LRRC7: variants seen among roughly 807,000 people sequenced by gnomAD.
The protein encoded by LRRC7 is leucine rich repeat containing 7.
A neutral mutation model predicts 175.7 loss-of-function variants in LRRC7; 23 were observed. The ratio of observed to expected loss-of-function variants is 0.13; its 90% CI spans 0.09 to 0.19. The LOEUF (loss-of-function observed/expected upper bound fraction) is 0.19, where lower values mean the gene tolerates loss of function less well. Among genes scored for constraint, LRRC7 ranks in the 10% least tolerant of loss-of-function variants. LRRC7 has a pLI of 1.00. For synonymous variants in LRRC7, 685 were observed against 680.9 expected (o/e 1.01, Z -0.09); for missense variants, 1,354 against 1,904.7 (o/e 0.71, Z 5.38).
intron 1 of LRRC7, among the ~76,000 whole-genome samples, chr1:69,591,293 C>A (rs996018463): frequency 2.6e-5 from 4 of 151,946 alleles, no homozygotes; most frequent in African/African-American, 9.7e-5. Flanking sequence ...GGAAGAGCTT[C>A]CACAGAATAT....
Position 70,011,784 on chromosome 1 carries a change from T to C in LRRC7, c.1005-13T>C. ...ACTTTTAAAATGTCTAACTAATGTA[T>C]TTAACTTTTCAGTTTATCTTTATTA... On this transcript the variant is annotated splice_polypyrimidine_tract_variant and intron_variant, in intron 11 of 26. Transcript: ENST00000651989. The C allele has an allele frequency of 6.5e-7, 1 of 1,540,130 alleles. No individual in the cohort carries two copies. Among genetic ancestry groups the C allele is most frequent in the Non-Finnish European group, 9.0e-7 (1 of 1,116,226 alleles).
intron 2 of LRRC7, among the ~76,000 whole-genome samples, chr1:69,680,516 G>A (rs1660342128): frequency 6.6e-6 from 1 of 152,026 alleles, no homozygotes; most frequent in Non-Finnish European, 1.5e-5. Context: ...AAATTCAGCT[G>A]GAGTTATGTT....
chr1:69,606,306 T>TCATA (rs1182228883), intron 1 of LRRC7, among the ~76,000 whole-genome samples: 1 of 152,144 alleles, frequency 6.6e-6, no homozygotes, highest in Non-Finnish European at 1.5e-5. Flanking sequence ...AATTATGATG[T>TCATA]CATACATTTT....
chr1:69,791,919 G>C, intron 3 of LRRC7, 124 bp from the exon 4 acceptor site: 1 of 613,580 alleles, frequency 1.6e-6, no homozygotes, highest in East Asian at 2.8e-5. Context: ...GGAGGGAAGT[G>C]AGGCTTTTAT....
intron 25 of LRRC7, among the ~76,000 whole-genome samples, chr1:70,092,091 T>C (rs910418811): frequency 7.9e-5 from 12 of 152,168 alleles, no homozygotes; most frequent in African/African-American, 2.4e-4. Context: ...GATTAATCTA[T>C]TGGAAATTCA....
At position 70,125,804 on chromosome 1, in the gene LRRC7, A is replaced by G. The variant is rs915973923; in HGVS notation, c.*3917A>G. On this transcript the variant is annotated 3_prime_UTR_variant, in exon 27 of 27. Coordinates refer to ENST00000651989, the MANE Select transcript of LRRC7 (RefSeq NM_001370785.2). ...GAGACTCCGTCTCAAAAAAAAAAAA[A>G]AAAAAAAAGAGAAGATTCAGAGGGG... 3.3e-5 allele frequency among the ~76,000 whole-genome samples: 5 copies of G among 151,092 alleles called. No homozygotes were observed. The highest frequency in any genetic ancestry group is 2.1e-4 in the South Asian group (1 of 4,806).
At chr1:69,728,155 T>C (rs975344101) in intron 2 of LRRC7, among the ~76,000 whole-genome samples, 3 of 152,162 alleles carry the variant, frequency 2.0e-5, no homozygotes, top group Admixed American at 1.3e-4. Context: ...ATATTTAAGA[T>C]GTATTAGTGA....
At chr1:69,810,508 C>T (rs976403222) in intron 4 of LRRC7, among the ~76,000 whole-genome samples, 3 of 152,146 alleles carry the variant, frequency 2.0e-5, no homozygotes, top group Admixed American at 1.3e-4. Flanking sequence ...CATCACACTA[C>T]TTGACTTCAA....
chr1:70,036,050 A>G, intron 18 of LRRC7, 71 bp from the exon 19 acceptor site: 1 of 1,179,786 alleles, frequency 8.5e-7, no homozygotes, highest in Non-Finnish European at 1.2e-6. Flanking sequence ...AGCCAAATAA[A>G]GATACTGCCA....
intron 7 of LRRC7, among the ~76,000 whole-genome samples, chr1:69,850,590 G>A (rs1002613255): frequency 1.1e-4 from 16 of 152,096 alleles, no homozygotes; most frequent in Admixed American, 3.9e-4. Flanking sequence ...TGGAGACAAT[G>A]AGTGGGAAGA....
At chr1:69,958,932 G>C (rs1354650972) in intron 8 of LRRC7, among the ~76,000 whole-genome samples, 1 of 152,024 alleles carries the variant, frequency 6.6e-6, no homozygotes, top group Admixed American at 6.6e-5. Context: ...TGAAGCCCAA[G>C]CTTTATTACC....
intron 7 of LRRC7, among the ~76,000 whole-genome samples, chr1:69,906,160 G>A (rs557851996): frequency 6.6e-5 from 10 of 152,014 alleles, no homozygotes; most frequent in Middle Eastern, 6.8e-3. Context: ...GGATATTAGC[G>A]CTTTGTCAGA....
intron 24 of LRRC7, among the ~76,000 whole-genome samples, chr1:70,087,051 A>C (rs994120356): frequency 3.3e-5 from 5 of 152,218 alleles, no homozygotes; most frequent in Non-Finnish European, 5.9e-5. Flanking sequence ...GTCTAGCCTC[A>C]GATCAGAATT....
rs141732988 is a variant in LRRC7, at chr1:69,868,922, CAT to C, written c.647+30654_647+30655del. Among the ~76,000 whole-genome samples the C allele has an allele frequency of 4.6e-3, 681 of 148,576 alleles. 5 individuals are homozygous for C. The highest frequency in any genetic ancestry group is 7.6e-3 in the Non-Finnish European group (512 of 67,158). The stretch of plus-strand genomic sequence containing the variant: ...ATGTATGTATATATGTACATATGTA[CAT>C]ATATATATATATATCTTAATCTCCT... On this transcript the variant is annotated intron_variant, in intron 7 of 26. Coordinates refer to ENST00000651989, the MANE Select transcript of LRRC7 (RefSeq NM_001370785.2).
chr1:70,010,637 A>G (rs1428756809), intron 11 of LRRC7, among the ~76,000 whole-genome samples: 2 of 152,166 alleles, frequency 1.3e-5, no homozygotes, highest in South Asian at 2.1e-4. Context: ...TTCCCTTTAC[A>G]TTGGTAGAAT....
chr1:70,098,253 A>T (rs1174975353), intron 25 of LRRC7, among the ~76,000 whole-genome samples: 1 of 152,198 alleles, frequency 6.6e-6, no homozygotes, highest in South Asian at 2.1e-4. Context: ...GGCTGCATAA[A>T]TGTCTTCTTT....
chr1:69,628,789 C>G (rs1460376666), intron 1 of LRRC7, among the ~76,000 whole-genome samples: 1 of 152,034 alleles, frequency 6.6e-6, no homozygotes, highest in African/African-American at 2.4e-5. Flanking sequence ...ATCAGTGGAA[C>G]AGAATAGAAA....
Position 70,127,592 on chromosome 1 carries a change from G to A in LRRC7, c.*5705G>A, listed in dbSNP as rs79523425. 1.2e-3 allele frequency among the ~76,000 whole-genome samples: 178 copies of A among 152,270 alleles called. No homozygotes were observed. Among genetic ancestry groups the A allele is most frequent in the Non-Finnish European group, 2.2e-3 (149 of 68,022 alleles). ...CAGCTGGTAGAGTCTTCCCAGTTGG[G>A]TTCTGAGCTCATGCTCTTTGTAACA... is the stretch of plus-strand genomic sequence containing the variant. On this transcript the variant is annotated 3_prime_UTR_variant, in exon 27 of 27. Coordinates refer to ENST00000651989, the MANE Select transcript of LRRC7 (RefSeq NM_001370785.2).
chr1:69,921,180 G>A (rs550253936), intron 7 of LRRC7, among the ~76,000 whole-genome samples: 13 of 130,190 alleles, frequency 1.0e-4, no homozygotes, highest in Non-Finnish European at 1.3e-4. Flanking sequence ...ATTCAAGAAC[G>A]TGTGTGGTAA....
Sources: allele counts gnomAD v4.1 joint callset (sites outside exome capture counted in the v4.1 genomes callset), GRCh38; gene constraint gnomAD v4.1.1; transcripts MANE v1.5; gene names NCBI Gene and HGNC (gene_info 2026-07-23, HGNC 2026-07-21).